Variants in C8orf89 observed in about 807,000 individuals in gnomAD.
The protein encoded by C8orf89 is putative uncharacterized protein C8orf89.
In C8orf89, 14 loss-of-function variants were observed where a neutral mutation model predicts 15.8. The ratio of observed to expected loss-of-function variants is 0.89; its 90% CI spans 0.59 to 1.39. The LOEUF (loss-of-function observed/expected upper bound fraction) is 1.39. Among genes scored for constraint, C8orf89 ranks in the 40% most tolerant of loss-of-function variants. The pLI is 0.00. For synonymous variants in C8orf89, 55 were observed against 62.2 expected (o/e 0.88, Z 0.54); for missense variants, 181 against 184.5 (o/e 0.98, Z 0.11).
At chr8:73,260,295 C>A (rs1354540313), upstream of C8orf89, among the ~76,000 whole-genome samples, 1 of 151,762 alleles carries the variant, frequency 6.6e-6, no homozygotes, top group African/African-American at 2.4e-5. Flanking sequence ...GACAAAAAAA[C>A]CAAACACCAC....
the C8orf89 span, among the ~76,000 whole-genome samples, chr8:73,284,965 A>G: frequency 6.6e-6 from 1 of 152,380 alleles, no homozygotes; most frequent in Non-Finnish European, 1.5e-5. Context: ...GAAAATGACC[A>G]GTACAGTAGA....
intron 2 of C8orf89, among the ~76,000 whole-genome samples, chr8:73,256,280 C>T (rs945468179): frequency 1.3e-5 from 2 of 152,064 alleles, no homozygotes; most frequent in East Asian, 3.8e-4. Context: ...CTTCACATTA[C>T]TTCAGTCAGA....
At chr8:73,272,462 A>T in the C8orf89 span, among the ~76,000 whole-genome samples, 19 of 151,950 alleles carry the variant, frequency 1.3e-4, 1 homozygote, top group East Asian at 2.9e-3. Context: ...ATATATATAT[A>T]TTTTTATTAT....
chr8:73,259,603 AT>A (rs1288807903), upstream of C8orf89: 5 of 465,828 alleles, frequency 1.1e-5, no homozygotes, highest in Non-Finnish European at 1.8e-5. Context: ...ATTTTAATGA[AT>A]TCTTTCAAAT....
the C8orf89 span, among the ~76,000 whole-genome samples, chr8:73,266,274 T>C: frequency 1.3e-5 from 2 of 152,226 alleles, no homozygotes; most frequent in East Asian, 1.9e-4. Flanking sequence ...GGCTTTTCAG[T>C]GAGTGAATGG....
the C8orf89 span, chr8:73,277,346 C>G: frequency 5.1e-6 from 4 of 779,632 alleles, no homozygotes; most frequent in East Asian, 9.8e-5. Flanking sequence ...CTGAGCTGGG[C>G]AGTTTCACAC....
At chr8:73,256,659 CG>C (rs1408701490) in intron 2 of C8orf89, among the ~76,000 whole-genome samples, 1 of 130,478 alleles carries the variant, frequency 7.7e-6, no homozygotes, top group Non-Finnish European at 1.5e-5. Context: ...ATCCGGGAGG[CG>C]GAGGTTGCAG....
the C8orf89 span, among the ~76,000 whole-genome samples, chr8:73,284,420 G>A: frequency 1.3e-5 from 2 of 151,856 alleles, no homozygotes; most frequent in African/African-American, 2.4e-5. Flanking sequence ...CACCATGTTG[G>A]TCAGGCTGGT....
intron 3 of C8orf89, among the ~76,000 whole-genome samples, chr8:73,248,135 T>A (rs1278623959): frequency 6.6e-6 from 1 of 152,136 alleles, no homozygotes; most frequent in African/African-American, 2.4e-5. Context: ...AAGAAAGGGG[T>A]CCAGTTTTAA....
At chr8:73,260,710 G>T (rs1005553377), upstream of C8orf89, among the ~76,000 whole-genome samples, 1 of 152,154 alleles carries the variant, frequency 6.6e-6, no homozygotes, top group African/African-American at 2.4e-5. Context: ...GCAGAAGGAG[G>T]AGGATATGGC....
At chr8:73,256,236 T>C (rs1197577081) in intron 2 of C8orf89, among the ~76,000 whole-genome samples, 3 of 151,984 alleles carry the variant, frequency 2.0e-5, no homozygotes, top group Admixed American at 2.0e-4. Context: ...CAATGCAGGA[T>C]GTTAATTAGG....
the C8orf89 span, among the ~76,000 whole-genome samples, chr8:73,281,440 A>C: frequency 1.3e-5 from 2 of 152,186 alleles, no homozygotes; most frequent in African/African-American, 2.4e-5. Context: ...AGATTCATTG[A>C]GAAAGATATT....
the C8orf89 span, among the ~76,000 whole-genome samples, chr8:73,269,241 T>C: frequency 6.6e-6 from 1 of 152,228 alleles, no homozygotes; most frequent in Non-Finnish European, 1.5e-5. Context: ...TCTCATAATA[T>C]AATACAGGGA....
intron 2 of C8orf89, among the ~76,000 whole-genome samples, chr8:73,253,276 T>C (rs1347404955): frequency 6.6e-6 from 1 of 152,250 alleles, no homozygotes; most frequent in African/African-American, 2.4e-5. Context: ...CTTTTAATGG[T>C]ATGTCAGTCA....
chr8:73,243,050 G>A (rs144695656), intron 3 of C8orf89, among the ~76,000 whole-genome samples: 2 of 152,262 alleles, frequency 1.3e-5, no homozygotes, highest in South Asian at 2.1e-4. Flanking sequence ...AATAAGCCAG[G>A]TACAGAAAGA....
the C8orf89 span, among the ~76,000 whole-genome samples, chr8:73,275,365 T>C: frequency 6.7e-6 from 1 of 149,666 alleles, no homozygotes; most frequent in Non-Finnish European, 1.5e-5. Flanking sequence ...GCCTCCGGAG[T>C]AGCTGGAATT....
At chr8:73,260,812 T>C (rs1014498885), upstream of C8orf89, among the ~76,000 whole-genome samples, 1 of 152,154 alleles carries the variant, frequency 6.6e-6, no homozygotes. Flanking sequence ...AGTGTGTCTG[T>C]GAGGGTGTTG....
chr8:73,259,509 A>T lies in C8orf89; in HGVS notation c.-51T>A. The T allele has an allele frequency of 7.4e-7, 1 of 1,357,120 alleles. No individual in the cohort carries two copies. The highest frequency in any genetic ancestry group is 9.6e-7 in the Non-Finnish European group (1 of 1,046,802). The allele number at this position is 1,357,120 out of a possible 1,614,324, so 84.1% of individuals were successfully genotyped here. On this transcript the variant is annotated 5_prime_UTR_variant, in exon 1 of 4. Transcript: ENST00000624510. ...GAGAGGGAGATGCTGCTGCAGAGACAGGACACAAAATACAAAAAAAACAAG... is the reference window on the plus strand; with the variant it reads ...GAGAGGGAGATGCTGCTGCAGAGACTGGACACAAAATACAAAAAAAACAAG...
chr8:73,283,487 A>G, the C8orf89 span, among the ~76,000 whole-genome samples: 4 of 152,194 alleles, frequency 2.6e-5, no homozygotes, highest in Non-Finnish European at 4.4e-5. Flanking sequence ...TGACTCTCAT[A>G]AGGTGAGGAT....
Sources: allele counts gnomAD v4.1 joint callset (sites outside exome capture counted in the v4.1 genomes callset), GRCh38; gene constraint gnomAD v4.1.1; transcripts MANE v1.5; gene names NCBI Gene and HGNC (gene_info 2026-07-23, HGNC 2026-07-21).